CATSPERT: variants seen among roughly 807,000 people sequenced by gnomAD.
CATSPERT encodes cation channel sperm-associated targeting subunit tau.
chr2:201,491,931 A>C, the CATSPERT span: 1 of 1,536,930 alleles, frequency 6.5e-7, no homozygotes, highest in Admixed American at 2.0e-5. Context: ...GTATATCTGT[A>C]AGTATTTCTG....
At chr2:201,491,638 C>CAGA in the CATSPERT span, 3 of 1,537,066 alleles carry the variant, frequency 2.0e-6, no homozygotes, top group Admixed American at 5.9e-5. Flanking sequence ...GAAAGTGATT[C>CAGA]TGTTTAAGTA....
the CATSPERT span, chr2:201,487,497 AAAG>A: frequency 1.1e-5 from 11 of 1,005,156 alleles, no homozygotes; most frequent in African/African-American, 4.9e-5. Flanking sequence ...CTGTCACACA[AAAG>A]AAGAGATCTC....
At chr2:201,493,148 C>T in the CATSPERT span, 370 of 1,525,974 alleles carry the variant, frequency 2.4e-4, 1 homozygote, top group Middle Eastern at 1.5e-3. Context: ...AACATTATTT[C>T]ATCTGATTCA....
the CATSPERT span, among the ~76,000 whole-genome samples, chr2:201,541,334 T>C: frequency 6.6e-6 from 1 of 151,818 alleles, no homozygotes; most frequent in Admixed American, 6.6e-5. Context: ...TCAAACACCA[T>C]CGCATACTAC....
chr2:201,512,266 TG>T, the CATSPERT span, among the ~76,000 whole-genome samples: 1 of 152,210 alleles, frequency 6.6e-6, no homozygotes, highest in Non-Finnish European at 1.5e-5. Flanking sequence ...AATGTGCAGT[TG>T]TAAGAAATAA....
the CATSPERT span, among the ~76,000 whole-genome samples, chr2:201,562,526 ATT>A: frequency 1.4e-5 from 2 of 147,266 alleles, no homozygotes; most frequent in East Asian, 4.0e-4. Context: ...TTATTTATTT[ATT>A]TTTTTTATTG....
chr2:201,567,979 G>A, the CATSPERT span, among the ~76,000 whole-genome samples: 1 of 152,126 alleles, frequency 6.6e-6, no homozygotes, highest in Admixed American at 6.5e-5. Context: ...TCCAGTAAAT[G>A]GGCCAGAATA....
At chr2:201,493,722 T>C in the CATSPERT span, 1 of 1,537,416 alleles carries the variant, frequency 6.5e-7, no homozygotes, top group Non-Finnish European at 8.7e-7. Flanking sequence ...ATTCTGAGAA[T>C]ATTGGTGCAG....
chr2:201,565,658 T>C, the CATSPERT span: 8 of 1,399,400 alleles, frequency 5.7e-6, no homozygotes, highest in Non-Finnish European at 7.5e-6. Flanking sequence ...GAGAAATTAA[T>C]ATATTATACA....
the CATSPERT span, chr2:201,493,445 G>A: frequency 1.3e-6 from 2 of 1,537,086 alleles, no homozygotes; most frequent in Non-Finnish European, 1.7e-6. Context: ...TTTCCTTTAG[G>A]AGAAGTGATC....
At chr2:201,548,199 C>T in the CATSPERT span, among the ~76,000 whole-genome samples, 10 of 152,204 alleles carry the variant, frequency 6.6e-5, 2 homozygotes, top group African/African-American at 2.4e-4. Context: ...ATCCCTCCCC[C>T]AAACAATATA....
the CATSPERT span, among the ~76,000 whole-genome samples, chr2:201,583,417 T>C: frequency 6.6e-6 from 1 of 152,160 alleles, no homozygotes; most frequent in African/African-American, 2.4e-5. Flanking sequence ...CCTAATAAGC[T>C]ATAAACAAAA....
At chr2:201,611,869 T>C in the CATSPERT span, among the ~76,000 whole-genome samples, 2 of 152,224 alleles carry the variant, frequency 1.3e-5, no homozygotes, top group Admixed American at 1.3e-4. Context: ...CTCCATGCTC[T>C]AGTGGTACTA....
At chr2:201,498,487 C>T in the CATSPERT span, among the ~76,000 whole-genome samples, 1 of 152,138 alleles carries the variant, frequency 6.6e-6, no homozygotes, top group Admixed American at 6.5e-5. Flanking sequence ...TGAGCTGGCA[C>T]TGACTGGACA....
the CATSPERT span, among the ~76,000 whole-genome samples, chr2:201,541,529 TTTTATATATA>T: frequency 1.4e-5 from 1 of 69,104 alleles, no homozygotes; most frequent in Admixed American, 2.0e-4. Context: ...GCTCAGATGA[TTTTATATATA>T]TATATATATA....
the CATSPERT span, among the ~76,000 whole-genome samples, chr2:201,568,098 C>T: frequency 0.055 from 8,381 of 152,282 alleles, 281 homozygotes; most frequent in African/African-American, 0.08. Flanking sequence ...CCAGATGCAA[C>T]AACCCATCCT....
At chr2:201,591,882 T>G in the CATSPERT span, among the ~76,000 whole-genome samples, 1 of 151,940 alleles carries the variant, frequency 6.6e-6, no homozygotes, top group Non-Finnish European at 1.5e-5. Flanking sequence ...AAGGAGATTT[T>G]GGGCTGAGAC....
At chr2:201,520,886 GAA>G in the CATSPERT span, among the ~76,000 whole-genome samples, 5 of 140,176 alleles carry the variant, frequency 3.6e-5, no homozygotes, top group African/African-American at 5.4e-5. Flanking sequence ...TCCTGTCTCA[GAA>G]AAAAAAAAAA....
At chr2:201,533,063 C>T in the CATSPERT span, among the ~76,000 whole-genome samples, 1 of 152,166 alleles carries the variant, frequency 6.6e-6, no homozygotes, top group Non-Finnish European at 1.5e-5. Context: ...TTTGCCACAG[C>T]ACCCTGACTC....
Sources: gnomAD v4.1 joint callset for allele counts (sites outside exome capture counted in the v4.1 genomes callset) on GRCh38, gnomAD v4.1.1 for gene constraint, MANE v1.5 for transcripts, NCBI Gene and HGNC (gene_info 2026-07-23, HGNC 2026-07-21) for gene names.